The following PIK3R3 variants were observed in gnomAD, a reference collection of about 807,000 sequenced individuals.
PIK3R3 encodes the protein phosphoinositide-3-kinase regulatory subunit 3.
PIK3R3 carries 64 observed loss-of-function variants against 62.9 expected under a neutral mutation model. The observed-to-expected ratio is 1.02, with a 90% CI of 0.83 to 1.25. The LOEUF (loss-of-function observed/expected upper bound fraction) is 1.25. Among genes scored for constraint, PIK3R3 ranks in the 50% most tolerant of loss-of-function variants. The pLI is 0.00. For synonymous variants in PIK3R3, 165 were observed against 189.0 expected (o/e 0.87, Z 1.04); for missense variants, 614 against 561.6 (o/e 1.09, Z -0.94).
chr1:46,156,606 C>G, the PIK3R3 span, among the ~76,000 whole-genome samples: 1 of 152,112 alleles, frequency 6.6e-6, no homozygotes, highest in Non-Finnish European at 1.5e-5. Context: ...AATAACAGAG[C>G]CTGACCGGGT....
the PIK3R3 span, among the ~76,000 whole-genome samples, chr1:46,174,267 GC>G: frequency 6.6e-6 from 1 of 151,986 alleles, no homozygotes; most frequent in African/African-American, 2.4e-5. Context: ...CCCCTCTTGG[GC>G]CCTTGAGCAT....
chr1:46,109,162 CAAAAAAA>C (rs758453256), intron 1 of PIK3R3, among the ~76,000 whole-genome samples: 1 of 70,142 alleles, frequency 1.4e-5, no homozygotes, highest in Non-Finnish European at 3.1e-5. Context: ...GACTCTGTCT[CAAAAAAA>C]AAAAAAAAAA....
chr1:46,130,294 T>A (rs954070319), intron 1 of PIK3R3, among the ~76,000 whole-genome samples: 1 of 152,224 alleles, frequency 6.6e-6, no homozygotes, highest in Non-Finnish European at 1.5e-5. Flanking sequence ...ACCAGTGATG[T>A]ACTAAATTTC....
intron 4 of PIK3R3, among the ~76,000 whole-genome samples, chr1:46,066,667 T>C (rs1649017950): frequency 6.6e-6 from 1 of 152,084 alleles, no homozygotes. Context: ...GGCATGCACC[T>C]GTGATCCCAG....
At chr1:46,162,700 C>A in the PIK3R3 span, among the ~76,000 whole-genome samples, 1 of 152,046 alleles carries the variant, frequency 6.6e-6, no homozygotes, top group African/African-American at 2.4e-5. Context: ...CGACTCACTG[C>A]GACTTCCACC....
intron 7 of PIK3R3, among the ~76,000 whole-genome samples, chr1:46,050,549 G>A (rs1184825215): frequency 6.6e-6 from 1 of 152,138 alleles, no homozygotes; most frequent in Non-Finnish European, 1.5e-5. Context: ...TGGGCAACAA[G>A]AGCGAAAATC....
intron 1 of PIK3R3, among the ~76,000 whole-genome samples, chr1:46,102,690 G>A (rs1652810307): frequency 1.3e-5 from 2 of 151,268 alleles, no homozygotes; most frequent in Non-Finnish European, 2.9e-5. Flanking sequence ...GAGCACTGTT[G>A]GTGAGATTGT....
rs748757688 is a variant in PIK3R3 at position 46,046,017 on chromosome 1, AT to A, written c.1087del (p.Ile363SerfsTer19). On this transcript the variant is annotated frameshift_variant, in exon 9 of 10. Transcript: ENST00000262741. LOFTEE classifies it high-confidence loss of function. ...YDEKTWFVEDINRVQAEDLLY... is the reference protein window; with the variant it reads ...YDEKTWFVEDXNRVQAEDLLY... ...CAAGTCCTCTGCTTGTACTCGATTG[AT>A]ATCCTCAACAAACCAGGTTTTCTCA... is the stretch of plus-strand genomic sequence containing the variant. The A allele has an allele frequency of 6.2e-7, 1 of 1,612,156 alleles. No homozygotes were observed. The highest frequency in any genetic ancestry group is 1.1e-5 in the South Asian group (1 of 91,038).
intron 1 of PIK3R3, among the ~76,000 whole-genome samples, chr1:46,097,759 G>A (rs569446829): frequency 1.3e-5 from 2 of 148,412 alleles, no homozygotes; most frequent in South Asian, 2.1e-4. Context: ...TGTGGTGGTG[G>A]ACGCCTGTAA....
chr1:46,080,561 T>C (rs1429226438), intron 2 of PIK3R3, 81 bp downstream of exon 2: 2 of 941,796 alleles, frequency 2.1e-6, no homozygotes, highest in African/African-American at 3.2e-5. Context: ...ATGCCCAGCT[T>C]AAAATGGTTT....
At chr1:46,148,243 C>T in the PIK3R3 span, among the ~76,000 whole-genome samples, 2 of 152,184 alleles carry the variant, frequency 1.3e-5, no homozygotes, top group Non-Finnish European at 2.9e-5. Flanking sequence ...ATTAGCATGA[C>T]TTTTCAGTTG....
At chr1:46,131,783 G>T in intron 1 of PIK3R3, 64 bp downstream of exon 1, 1 of 1,498,028 alleles carries the variant, frequency 6.7e-7, no homozygotes, top group Non-Finnish European at 9.3e-7. Flanking sequence ...GAAAACATCA[G>T]CAAGCTCTTG....
the PIK3R3 span, among the ~76,000 whole-genome samples, chr1:46,157,334 T>C: frequency 6.6e-6 from 1 of 152,128 alleles, no homozygotes. Context: ...GGTTTTGCCA[T>C]GTTGCCCAGG....
At chr1:46,112,184 T>C (rs1371949889) in intron 1 of PIK3R3, among the ~76,000 whole-genome samples, 1 of 152,224 alleles carries the variant, frequency 6.6e-6, no homozygotes, top group Non-Finnish European at 1.5e-5. Context: ...TTGTTTTTGG[T>C]TTTTTATAAA....
intron 1 of PIK3R3, among the ~76,000 whole-genome samples, chr1:46,094,237 T>C (rs1186822992): frequency 6.6e-6 from 1 of 152,046 alleles, no homozygotes; most frequent in Non-Finnish European, 1.5e-5. Context: ...AGGTTCAAAA[T>C]ACAAAATAAA....
intron 1 of PIK3R3, among the ~76,000 whole-genome samples, chr1:46,113,233 G>A (rs1042924518): frequency 1.3e-5 from 2 of 151,630 alleles, no homozygotes; most frequent in African/African-American, 4.9e-5. Flanking sequence ...AGCCTTCGGG[G>A]CCTTTCATGA....
the PIK3R3 span, among the ~76,000 whole-genome samples, chr1:46,151,711 C>T: frequency 1.3e-5 from 2 of 152,306 alleles, no homozygotes; most frequent in South Asian, 4.2e-4. Context: ...CCCAGCTTAT[C>T]CAGTGTTCTG....
At chr1:46,171,216 C>T in the PIK3R3 span, among the ~76,000 whole-genome samples, 27,778 of 152,108 alleles carry the variant, frequency 0.18, 2,956 homozygotes, top group Middle Eastern at 0.24. Flanking sequence ...AAGCCCAGTC[C>T]TAGGGCCCAA....
the PIK3R3 span, among the ~76,000 whole-genome samples, chr1:46,150,844 T>C: frequency 6.6e-6 from 1 of 151,392 alleles, no homozygotes; most frequent in Non-Finnish European, 1.5e-5. Context: ...GTTTTGTTTT[T>C]GTTGCCCAGG....
Sources: gnomAD v4.1 joint callset for allele counts (sites outside exome capture counted in the v4.1 genomes callset) on GRCh38, gnomAD v4.1.1 for gene constraint, MANE v1.5 for transcripts, NCBI Gene and HGNC (gene_info 2026-07-23, HGNC 2026-07-21) for gene names.